Variants in LTV1 observed in about 807,000 individuals in gnomAD.
LTV1 encodes the protein LTV1 ribosome biogenesis factor.
LTV1 carries 39 observed loss-of-function variants against 59.9 expected under a neutral mutation model. That is an observed-to-expected ratio of 0.65 (90% confidence interval 0.50 to 0.85). The LOEUF (loss-of-function observed/expected upper bound fraction) is 0.85, where lower values mean the gene tolerates loss of function less well. Among genes scored for constraint, LTV1 ranks in the 40% least tolerant of loss-of-function variants. The pLI is 0.00. For synonymous variants in LTV1, 171 were observed against 189.5 expected, an observed-to-expected ratio of 0.90 and a Z score of 0.80; for missense variants, 493 against 549.1, an observed-to-expected ratio of 0.90 and a Z score of 1.02.
At chr6:143,846,514 C>T (rs976449219) in intron 3 of LTV1, among the ~76,000 whole-genome samples, 8 of 152,200 alleles carry the variant, frequency 5.3e-5, no homozygotes, top group African/African-American at 1.9e-4. Context: ...AAGCAGCTGA[C>T]ATTCTACATG....
In LTV1 at chr6:143,857,336, C is replaced by T. The variant is rs1217983683; in HGVS notation, c.431C>T (p.Ala144Val). ...CTGGATTTTGATCCTGACATTGTTG[C>T]AGCTCTTGATGATGATTTTGACTTT... is the stretch of plus-strand genomic sequence containing the variant. Reference protein sequence around the residue: ...PRLDFDPDIVAALDDDFDFDD... With the variant: ...PRLDFDPDIVVALDDDFDFDD... The change falls in exon 5 of 11, where the codon GCA becomes GTA. Residue 144 changes from alanine (A) to valine (V), a missense_variant. By Grantham distance (64) the Ala-to-Val change is moderately conservative. Coordinates refer to ENST00000367576, the MANE Select transcript of LTV1 (RefSeq NM_032860.5). The surrounding 1 kb of genome is among the most constrained non-coding windows in gnomAD (Gnocchi z 5.2). The T allele has an allele frequency of 1.2e-6, 2 of 1,613,518 alleles. No individual in the cohort carries two copies. Among genetic ancestry groups the T allele is most frequent in the Admixed American group, 3.3e-5 (2 of 60,024 alleles).
intron 3 of LTV1, among the ~76,000 whole-genome samples, chr6:143,847,187 T>A (rs1776908373): frequency 1.3e-5 from 2 of 152,216 alleles, no homozygotes; most frequent in South Asian, 4.1e-4. Flanking sequence ...AACTTCTTTA[T>A]TCCTTCTTCC....
chr6:143,852,267 T>C (rs7449634), intron 4 of LTV1, among the ~76,000 whole-genome samples: 3,046 of 152,382 alleles, frequency 0.02, 101 homozygotes, highest in African/African-American at 0.068. Context: ...ATTGCCATTC[T>C]AACTGGCGTG....
At position 143,844,533 on chromosome 6, in the gene LTV1, T is replaced by A. The variant is rs780962735; in HGVS notation, c.51T>A (p.Ser17=). Residue 17 remains serine (S), a synonymous_variant, in exon 2 of 11, where the codon TCT becomes TCA. Transcript: ENST00000367576. ...KPFIEKKKAV[S]FHLVHRSQRD... The stretch of plus-strand genomic sequence containing the variant: ...TTATAGAGAAGAAGAAAGCTGTGTC[T>A]TTTCACTTGGTCCACCGGAGCCAAC... 8 of 1,614,014 alleles carry A rather than the reference T, an allele frequency of 5.0e-6. No individual in the cohort carries two copies. Among genetic ancestry groups the A allele is most frequent in the Non-Finnish European group, 8.5e-7 (1 of 1,180,014 alleles).
At position 143,863,329 on chromosome 6, in the gene LTV1, G is replaced by A. The variant is rs1480063632; in HGVS notation, c.1317+43G>A. On this transcript the variant is annotated intron_variant, in intron 10 of 10. Coordinates refer to ENST00000367576, the MANE Select transcript of LTV1 (RefSeq NM_032860.5). This position sits in a 1 kb window ranked among gnomAD's most constrained non-coding sequence, Gnocchi z 4.5. The stretch of plus-strand genomic sequence containing the variant: ...AATGTGAGATTTACAAAGAGCTGGT[G>A]GAGGGGAAATTAGGGGAATTTTGTA... The A allele has an allele frequency of 5.6e-6, 9 of 1,603,070 alleles. No homozygotes were observed. Among genetic ancestry groups the A allele is most frequent in the Non-Finnish European group, 7.7e-6 (9 of 1,172,248 alleles).
intron 4 of LTV1, among the ~76,000 whole-genome samples, chr6:143,856,673 T>TGC (rs1236631953): frequency 2.0e-5 from 3 of 152,188 alleles, no homozygotes; most frequent in South Asian, 4.1e-4. Context: ...TTAGGTTTAT[T>TGC]TCTAACAGTC....
At chr6:143,856,990 A>G (rs187340374) in intron 4 of LTV1, among the ~76,000 whole-genome samples, 14 of 152,300 alleles carry the variant, frequency 9.2e-5, no homozygotes, top group South Asian at 2.1e-4. Flanking sequence ...CTCTCTTCAG[A>G]GCCGGCAGGC....
In LTV1 at chr6:143,862,594, AC is replaced by A. The variant is rs370488396; in HGVS notation, c.1064-249del. 5.5e-3 allele frequency among the ~76,000 whole-genome samples: 836 copies of A among 152,302 alleles called. 8 individuals are homozygous for A. Among genetic ancestry groups the A allele is most frequent in the African/African-American group, 0.019 (790 of 41,550 alleles). ...AGAGCAAAACTCTGTCTAAAAAAAAACATATATCAACTTTGAAAAAATACAT... is the reference window on the plus strand; with the variant it reads ...AGAGCAAAACTCTGTCTAAAAAAAAAATATATCAACTTTGAAAAAATACAT... On this transcript the variant is annotated intron_variant, in intron 8 of 10. Transcript: ENST00000367576. The surrounding 1 kb of genome is among the most constrained non-coding windows in gnomAD (Gnocchi z 4.2).
intron 3 of LTV1, among the ~76,000 whole-genome samples, chr6:143,849,124 A>G (rs1776942346): frequency 6.6e-6 from 1 of 152,210 alleles, no homozygotes. Context: ...CGCCATGGGT[A>G]TGAAGGTTGT....
chr6:143,843,528 G>C (rs1375688686), intron 1 of LTV1, 48 bp downstream of exon 1: 51 of 1,612,526 alleles, frequency 3.2e-5, no homozygotes, highest in Non-Finnish European at 4.2e-5. Flanking sequence ...TGGTTTTGCA[G>C]AGGCCAGGCT....
At chr6:143,845,602 T>A (rs753474707) in intron 2 of LTV1, among the ~76,000 whole-genome samples, 1 of 152,180 alleles carries the variant, frequency 6.6e-6, no homozygotes, top group South Asian at 2.1e-4. Flanking sequence ...GGTCTTGAAC[T>A]CCAAGGCTCA....
chr6:143,856,534 C>T (rs958956276), intron 4 of LTV1, among the ~76,000 whole-genome samples: 5 of 152,202 alleles, frequency 3.3e-5, no homozygotes, highest in African/African-American at 1.2e-4. Context: ...TTGGAAATTT[C>T]AGCCTTTTTG....
chr6:143,860,312 A>C, intron 6 of LTV1, 114 bp from the exon 7 acceptor site: 1 of 789,046 alleles, frequency 1.3e-6, no homozygotes, highest in African/African-American at 1.7e-5. Context: ...TAATTGTGAT[A>C]GTACCTGAAT....
In LTV1 at chr6:143,863,543, G is replaced by C. The variant is rs766703421; in HGVS notation, c.*16G>C. 2 of 1,551,908 alleles carry C rather than the reference G, an allele frequency of 1.3e-6. No homozygotes were observed. The highest frequency in any genetic ancestry group is 2.7e-5 in the African/African-American group (2 of 73,132). On this transcript the variant is annotated 3_prime_UTR_variant, in exon 11 of 11. Coordinates refer to ENST00000367576, the MANE Select transcript of LTV1 (RefSeq NM_032860.5). This position sits in a 1 kb window ranked among gnomAD's most constrained non-coding sequence, Gnocchi z 4.5. ...AAAGCTATAGACAGTGGAGCATACAGGGCAAGGCACTTTATTAGGGGCTCC... is the reference window on the plus strand; with the variant it reads ...AAAGCTATAGACAGTGGAGCATACACGGCAAGGCACTTTATTAGGGGCTCC...
At chr6:143,852,571 AATTAG>A (rs1475590546) in intron 4 of LTV1, among the ~76,000 whole-genome samples, 1 of 152,110 alleles carries the variant, frequency 6.6e-6, no homozygotes, top group Non-Finnish European at 1.5e-5. Flanking sequence ...TCTTTAATTT[AATTAG>A]ATCCCATTTG....
rs536511615 is a variant in LTV1, at chr6:143,853,638, G to A, written c.397+3420G>A. ...AATAGCTCTTATTATTTTGAGATAT[G>A]TTCCATCAATACCTAGTTTATTGAG... is the stretch of plus-strand genomic sequence containing the variant. On this transcript the variant is annotated intron_variant, in intron 4 of 10. Transcript: ENST00000367576. Among the ~76,000 whole-genome samples, 6 of 152,286 alleles carry A rather than the reference G, an allele frequency of 3.9e-5. No homozygotes were observed. The East Asian group carries it at 7.7e-4, about 20-fold the overall frequency.
rs1476766960 is a variant in LTV1 at position 143,860,567 on chromosome 6, T to A, written c.923+14T>A. 1.3e-6 allele frequency: 2 copies of A among 1,592,278 alleles called. No individual in the cohort carries two copies. The highest frequency in any genetic ancestry group is 2.7e-5 in the African/African-American group (2 of 73,980). ...GAAGGCAGAGAAGTATAGTGACTTT[T>A]CCTTCCTTGTTTAGCTGTTCTTTTT... is the stretch of plus-strand genomic sequence containing the variant. On this transcript the variant is annotated intron_variant, in intron 7 of 10. Transcript: ENST00000367576.
At chr6:143,861,619 C>T (rs993285547) in intron 7 of LTV1, among the ~76,000 whole-genome samples, 1 of 152,074 alleles carries the variant, frequency 6.6e-6, no homozygotes, top group Non-Finnish European at 1.5e-5. Flanking sequence ...GCTGGATTAG[C>T]GGAACTGACC....
chr6:143,863,209 T>G lies in LTV1; in HGVS notation c.1240T>G (p.Ser414Ala), dbSNP rs973648517. The change falls in exon 10 of 11, where the codon TCA becomes GCA. Residue 414 changes from serine to alanine, a missense_variant. Ser to Ala is a moderately conservative substitution (Grantham distance 99). Transcript: ENST00000367576. This position sits in a 1 kb window ranked among gnomAD's most constrained non-coding sequence, Gnocchi z 4.5. ...TAATGGCAGTGATCTTCCTAAAGTA[T>G]CAACTCAGCCACGTTCTAAAAATGA... ...MINGSDLPKV[S>A]TQPRSKNESK... 9 of 1,613,812 alleles carry G rather than the reference T, an allele frequency of 5.6e-6. No individual in the cohort carries two copies. The highest frequency in any genetic ancestry group is 7.6e-6 in the Non-Finnish European group (9 of 1,179,954).
Sources: gnomAD v4.1 joint callset for allele counts (sites outside exome capture counted in the v4.1 genomes callset) on GRCh38, gnomAD v4.1.1 for gene constraint, Gnocchi (gnomAD v3.1) non-coding constraint, MANE v1.5 for transcripts, NCBI Gene and HGNC (gene_info 2026-07-23, HGNC 2026-07-21) for gene names.